GFRA3: variants seen among roughly 807,000 people sequenced by gnomAD.
GFRA3 encodes the protein GDNF family receptor alpha 3, also known as GDNF family receptor alpha-3.
GFRA3 carries 24 observed loss-of-function variants against 40.0 expected under a neutral mutation model. That is an observed-to-expected ratio of 0.60 (90% confidence interval 0.43 to 0.84). The LOEUF (loss-of-function observed/expected upper bound fraction) is 0.84, where lower values mean the gene tolerates loss of function less well. Among genes scored for constraint, GFRA3 ranks in the 40% least tolerant of loss-of-function variants. The probability of loss-of-function intolerance (pLI) is 0.00; values close to 1 mark genes in which losing one functional copy is unlikely to be tolerated. For synonymous variants in GFRA3, 203 were observed against 213.5 expected (o/e 0.95, Z 0.43); for missense variants, 405 against 530.6 (o/e 0.76, Z 2.33).
intron 1 of GFRA3, chr5:138,267,564 T>G (rs1755805828): frequency 4.9e-6 from 1 of 204,230 alleles, no homozygotes; most frequent in African/African-American, 2.3e-5. Flanking sequence ...ACAAGAAGGG[T>G]GGACTCCTTT....
At position 138,274,506 on chromosome 5, in the gene GFRA3, T is replaced by TCCCCCC; in HGVS notation, c.-83_-82insGGGGGG. ...GAGCGGGGCTCCCTCGACCGGCACC[T>TCCCCCC]CCCGCCCCCGCCTCCCGCCCTCCAG... On this transcript the variant is annotated 5_prime_UTR_variant, in exon 1 of 8. Coordinates refer to ENST00000274721, the MANE Select transcript of GFRA3 (RefSeq NM_001496.4). The TCCCCCC allele has an allele frequency of 8.1e-7, 1 of 1,236,894 alleles. No homozygotes were observed. The highest frequency in any genetic ancestry group is 1.0e-6 in the Non-Finnish European group (1 of 989,216). 76.6% of individuals were successfully genotyped at this position (1,236,894 alleles called of 1,614,324 possible). A position where few individuals can be genotyped will look rare whatever the true frequency, so the allele number is the denominator to read the frequency against.
intron 2 of GFRA3, among the ~76,000 whole-genome samples, chr5:138,261,693 C>CAAAAAAAAAAA (rs70979598): frequency 2.8e-4 from 13 of 46,328 alleles, no homozygotes; most frequent in Non-Finnish European, 4.2e-4. Flanking sequence ...GACTCTGTCT[C>CAAAAAAAAAAA]AAAAAAAAAA....
intron 4 of GFRA3, among the ~76,000 whole-genome samples, chr5:138,255,908 A>AG (rs1755619774): frequency 1.3e-5 from 2 of 151,028 alleles, no homozygotes; most frequent in South Asian, 4.2e-4. Context: ...TCAAAAAAAA[A>AG]AAAAAAAGAA....
intron 1 of GFRA3, among the ~76,000 whole-genome samples, chr5:138,266,636 T>C (rs1755788569): frequency 6.6e-6 from 1 of 152,184 alleles, no homozygotes; most frequent in African/African-American, 2.4e-5. Flanking sequence ...GTCACTGTGC[T>C]CCCAAGTAAA....
At chr5:138,262,267 A>G (rs1755721399) in intron 2 of GFRA3, among the ~76,000 whole-genome samples, 1 of 152,122 alleles carries the variant, frequency 6.6e-6, no homozygotes, top group East Asian at 1.9e-4. Flanking sequence ...AAGAGGAAGG[A>G]CCTTTCCAGA....
intron 2 of GFRA3, 52 bp downstream of exon 2, chr5:138,264,209 C>T: frequency 7.1e-7 from 1 of 1,402,238 alleles, no homozygotes; most frequent in Non-Finnish European, 9.8e-7. Context: ...TAAAAAACAA[C>T]CCCCAAGAGC....
At chr5:138,255,545 G>A (rs1354178227) in intron 4 of GFRA3, among the ~76,000 whole-genome samples, 3 of 152,140 alleles carry the variant, frequency 2.0e-5, no homozygotes, top group Non-Finnish European at 4.4e-5. Context: ...CCTTTGATCT[G>A]GCAATGGTAC....
At chr5:138,267,345 C>G (rs1391414285) in intron 1 of GFRA3, 1 of 152,168 alleles carries the variant, frequency 6.6e-6, no homozygotes, top group Non-Finnish European at 1.5e-5. Context: ...GCATGCGCCA[C>G]CACACCGAGC....
At chr5:138,253,673 G>A in intron 6 of GFRA3, 93 bp downstream of exon 6, 1 of 1,208,612 alleles carries the variant, frequency 8.3e-7, no homozygotes, top group South Asian at 1.4e-5. Context: ...GGAGATGGAT[G>A]GAACCAGCCT....
At position 138,254,796 on chromosome 5, in the gene GFRA3, A is replaced by C. The variant is rs373812213; in HGVS notation, c.786-636T>G. Among the ~76,000 whole-genome samples the C allele has an allele frequency of 5.1e-4, 78 of 152,188 alleles. No homozygotes were observed. The South Asian group carries it at 8.5e-3, about 17-fold the overall frequency. Reference sequence around the variant, plus strand: ...ACCTCGTGGATTTTTGTGAGGATGAAGTAAGAGAATGCATAAGCCAGGCAT... The same window carrying C: ...ACCTCGTGGATTTTTGTGAGGATGACGTAAGAGAATGCATAAGCCAGGCAT... On this transcript the variant is annotated intron_variant, in intron 4 of 7. Transcript: ENST00000274721.
chr5:138,258,410 G>A (rs1486699852), intron 3 of GFRA3, among the ~76,000 whole-genome samples: 2 of 151,834 alleles, frequency 1.3e-5, no homozygotes, highest in South Asian at 2.1e-4. Flanking sequence ...TTGAACTCCC[G>A]ACCTCAGGTA....
At chr5:138,260,215 T>C (rs1755691278) in intron 2 of GFRA3, among the ~76,000 whole-genome samples, 1 of 152,144 alleles carries the variant, frequency 6.6e-6, no homozygotes, top group Admixed American at 6.5e-5. Flanking sequence ...CTTGCTCTGG[T>C]CTGTGGATTG....
Position 138,267,057 on chromosome 5 carries a change from G to C in GFRA3, c.92-2509C>G, listed in dbSNP as rs140894288. 4.4e-4 allele frequency: 76 copies of C among 170,808 alleles called. 1 individual carries two copies. In the East Asian group the frequency reaches 0.012, roughly 26 times the overall value. 10.6% of individuals were successfully genotyped at this position (170,808 alleles called of 1,614,324 possible). A position where few individuals can be genotyped will look rare whatever the true frequency, so the allele number is the denominator to read the frequency against. ...ACGTTTGCCAAAATAATGTCTGTCA[G>C]AGTGGCTGGCCATAAACACTTCAGC... On this transcript the variant is annotated intron_variant, in intron 1 of 7. Transcript: ENST00000274721.
intron 4 of GFRA3, among the ~76,000 whole-genome samples, chr5:138,254,967 CAGAGAGAAGAGAAGGAGAAA>C (rs1447881444): frequency 5.0e-5 from 7 of 141,262 alleles, no homozygotes; most frequent in Non-Finnish European, 9.1e-5. Flanking sequence ...GAAAGAGAGA[CAGAGAGAAGAGAAGGAGAAA>C]AGAGAGAAGA....
At chr5:138,270,134 G>C (rs1422029417) in intron 1 of GFRA3, among the ~76,000 whole-genome samples, 2 of 149,440 alleles carry the variant, frequency 1.3e-5, no homozygotes, top group Non-Finnish European at 3.0e-5. Flanking sequence ...GGCTGAGACA[G>C]TCGGATCACA....
chr5:138,265,535 A>T (rs1755771710), intron 1 of GFRA3, among the ~76,000 whole-genome samples: 1 of 151,320 alleles, frequency 6.6e-6, no homozygotes, highest in Non-Finnish European at 1.5e-5. Flanking sequence ...TTTCTTTCAC[A>T]GCCTGTGTTC....
At chr5:138,268,817 C>T (rs559397169) in intron 1 of GFRA3, among the ~76,000 whole-genome samples, 1 of 150,726 alleles carries the variant, frequency 6.6e-6, no homozygotes, top group South Asian at 2.1e-4. Context: ...CCCAGCTACT[C>T]GGGAGGCTGA....
chr5:138,260,626 G>GCA (rs1755696307), intron 2 of GFRA3, among the ~76,000 whole-genome samples: 8 of 152,092 alleles, frequency 5.3e-5, no homozygotes, highest in African/African-American at 1.9e-4. Context: ...AAAATTAGTT[G>GCA]GGCATGGTGG....
In GFRA3 at chr5:138,273,011, T is replaced by C. The variant is rs141901215; in HGVS notation, c.91+1323A>G. ...ACAACCCAGGTATCCATTTTATAGT[T>C]GGATGAACAAAGAAAAGTAATGTGC... On this transcript the variant is annotated intron_variant, in intron 1 of 7. Transcript: ENST00000274721. Among the ~76,000 whole-genome samples, 58 of 152,310 alleles carry C rather than the reference T, an allele frequency of 3.8e-4. No individual in the cohort carries two copies. In the East Asian group the frequency reaches 5.8e-3, roughly 15 times the overall value.
Sources: gnomAD v4.1 joint callset for allele counts (sites outside exome capture counted in the v4.1 genomes callset) on GRCh38, gnomAD v4.1.1 for gene constraint, MANE v1.5 for transcripts, NCBI Gene and HGNC (gene_info 2026-07-23, HGNC 2026-07-21) for gene names.